Variants in AGTRAP observed in about 807,000 individuals in gnomAD.
The protein encoded by AGTRAP is type-1 angiotensin II receptor-associated protein.
In AGTRAP, 7 loss-of-function variants were observed where a neutral mutation model predicts 15.2. The observed-to-expected ratio is 0.46, with a 90% CI of 0.26 to 0.87. The LOEUF (loss-of-function observed/expected upper bound fraction) is 0.87, where lower values mean the gene tolerates loss of function less well. Among genes scored for constraint, AGTRAP ranks in the 40% least tolerant of loss-of-function variants. The pLI is 0.15. For missense variants in AGTRAP, 187 were observed against 213.4 expected (o/e 0.88, Z 0.77); for synonymous variants, 74 against 89.6 (o/e 0.83, Z 0.98).
Position 11,745,754 on chromosome 1 carries a change from G to A in AGTRAP, c.28-49G>A, listed in dbSNP as rs1375137692. ...CTGCACCCGACGCTTTCCTGCCCCTGTGGTGGTCATGTTCACAGACCTCTT... is the reference window on the plus strand; with the variant it reads ...CTGCACCCGACGCTTTCCTGCCCCTATGGTGGTCATGTTCACAGACCTCTT... On this transcript the variant is annotated intron_variant, in intron 1 of 4. Transcript: ENST00000314340. The surrounding 1 kb of genome is among the most constrained non-coding windows in gnomAD (Gnocchi z 4.2). 1.9e-6 allele frequency: 3 copies of A among 1,606,040 alleles called. No homozygotes were observed. The highest frequency in any genetic ancestry group is 2.6e-6 in the Non-Finnish European group (3 of 1,172,664).
At position 11,745,533 on chromosome 1, in the gene AGTRAP, G is replaced by A. The variant is rs184055895; in HGVS notation, c.28-270G>A. Among the ~76,000 whole-genome samples, 2 of 152,128 alleles carry A rather than the reference G, an allele frequency of 1.3e-5. No individual in the cohort carries two copies. Among genetic ancestry groups the A allele is most frequent in the African/African-American group, 2.4e-5 (1 of 41,424 alleles). On this transcript the variant is annotated intron_variant, in intron 1 of 4. Transcript: ENST00000314340. This position sits in a 1 kb window ranked among gnomAD's most constrained non-coding sequence, Gnocchi z 4.2. ...AAGATGGAATTGCTCTGGTTCATACGCCTCTGACGCTTGGAAGGGGTGTGG... is the reference window on the plus strand; with the variant it reads ...AAGATGGAATTGCTCTGGTTCATACACCTCTGACGCTTGGAAGGGGTGTGG...
rs1475803075 is a variant in AGTRAP, at chr1:11,745,926, C to A, written c.62+89C>A. ...AGGTCCTGGTTCTGCCGTGTTTTAA[C>A]CAGGTCACTTTGGGCCAGACAGCTC... On this transcript the variant is annotated intron_variant, in intron 2 of 4. Transcript: ENST00000314340. This position sits in a 1 kb window ranked among gnomAD's most constrained non-coding sequence, Gnocchi z 4.2. 9 of 1,557,652 alleles carry A rather than the reference C, an allele frequency of 5.8e-6. No individual in the cohort carries two copies. The highest frequency in any genetic ancestry group is 8.0e-6 in the Non-Finnish European group (9 of 1,129,320).
Position 11,744,547 on chromosome 1 carries a change from T to C in AGTRAP, c.28-1256T>C, listed in dbSNP as rs1642114399. The C allele has an allele frequency of 4.2e-6, 3 of 716,670 alleles. No homozygotes were observed. The African/African-American group carries it at 5.2e-5, about 13-fold the overall frequency. The allele number at this position is 716,670 out of a possible 1,614,324, so 44.4% of individuals were successfully genotyped here. A position where few individuals can be genotyped will look rare whatever the true frequency, so the allele number is the denominator to read the frequency against. ...GCCCCCCACAGTGCGCCAGCTCCAG[T>C]GTCCCAAGAAATCACCCTCACGTGA... On this transcript the variant is annotated intron_variant, in intron 1 of 4. Coordinates refer to ENST00000314340, the MANE Select transcript of AGTRAP (RefSeq NM_020350.5).
intron 1 of AGTRAP, among the ~76,000 whole-genome samples, chr1:11,736,887 C>T (rs1401427560): frequency 2.6e-5 from 4 of 152,194 alleles, no homozygotes; most frequent in Non-Finnish European, 4.4e-5. Context: ...GTCTGGGTGC[C>T]AGCGGCTGTT....
chr1:11,746,361 G>A (rs1642164204), intron 2 of AGTRAP: 3 of 725,764 alleles, frequency 4.1e-6, no homozygotes, highest in Admixed American at 5.8e-5. Context: ...TTTCTTAAAA[G>A]CAAAAGATAA....
chr1:11,747,049 G>C lies in AGTRAP; in HGVS notation c.63-391G>C, dbSNP rs138499116. Among the ~76,000 whole-genome samples the C allele has an allele frequency of 5.7e-3, 874 of 152,302 alleles. 22 individuals are homozygous for C. The highest frequency in any genetic ancestry group is 0.047 in the East Asian group (242 of 5,172). ...AGGTCAGTAGGGCGAGGCTGTGTCC[G>C]GGATCCCACAGGCCCCTTAGGCCCT... On this transcript the variant is annotated intron_variant, in intron 2 of 4. Coordinates refer to ENST00000314340, the MANE Select transcript of AGTRAP (RefSeq NM_020350.5).
rs1386606842 is a variant in AGTRAP, at chr1:11,750,197, A to T, written c.*5A>T. On this transcript the variant is annotated 3_prime_UTR_variant, in exon 5 of 5. Coordinates refer to ENST00000314340, the MANE Select transcript of AGTRAP (RefSeq NM_020350.5). ...CAAGATGCCCGAGGGTACTGAAGCCAGCCACGCTGCGCCCGGCCCTGCCCC... is the reference window on the plus strand; with the variant it reads ...CAAGATGCCCGAGGGTACTGAAGCCTGCCACGCTGCGCCCGGCCCTGCCCC... The T allele has an allele frequency of 6.2e-7, 1 of 1,610,790 alleles. No individual in the cohort carries two copies. Among genetic ancestry groups the T allele is most frequent in the Non-Finnish European group, 8.5e-7 (1 of 1,178,170 alleles).
In AGTRAP at chr1:11,744,536, G is replaced by A. The variant is rs139420209; in HGVS notation, c.28-1267G>A. The A allele has an allele frequency of 1.3e-5, 9 of 715,808 alleles. No homozygotes were observed. The African/African-American group carries it at 1.4e-4, about 11-fold the overall frequency. 44.3% of individuals were successfully genotyped at this position (715,808 alleles called of 1,614,324 possible). A position where few individuals can be genotyped will look rare whatever the true frequency, so the allele number is the denominator to read the frequency against. ...CTTTCCCCTCTGCCCCCCACAGTGC[G>A]CCAGCTCCAGTGTCCCAAGAAATCA... On this transcript the variant is annotated intron_variant, in intron 1 of 4. Coordinates refer to ENST00000314340, the MANE Select transcript of AGTRAP (RefSeq NM_020350.5).
intron 1 of AGTRAP, among the ~76,000 whole-genome samples, chr1:11,742,706 T>C (rs1472782269): frequency 6.6e-6 from 1 of 151,806 alleles, no homozygotes; most frequent in Non-Finnish European, 1.5e-5. Flanking sequence ...AATTTTTTGA[T>C]TTTTTGTAGA....
In AGTRAP at chr1:11,747,447, A is replaced by G. The variant is rs761607183; in HGVS notation, c.70A>G (p.Ile24Val). Residue 24 changes from isoleucine to valine, a missense_variant, in exon 3 of 5, where the codon ATT (isoleucine) becomes GTT (valine). By Grantham distance (29) the Ile-to-Val change is conservative. Coordinates refer to ENST00000314340, the MANE Select transcript of AGTRAP (RefSeq NM_020350.5). ...AGCTACCTCTTCCTACAGGGGCTGC[A>G]TTGTATTCTCAGGCTCCTATGCCTG... ...GHWLLTTWGC[I>V]VFSGSYAWAN... The G allele has an allele frequency of 9.9e-6, 16 of 1,613,968 alleles. No homozygotes were observed. The Admixed American group carries it at 2.2e-4, about 22-fold the overall frequency.
At chr1:11,736,516 C>A (rs1019251859) in intron 1 of AGTRAP, among the ~76,000 whole-genome samples, 36 of 152,314 alleles carry the variant, frequency 2.4e-4, no homozygotes, top group African/African-American at 8.4e-4. Context: ...CGGGCAGCGC[C>A]GGTCCCAGCA....
chr1:11,749,189 C>G (rs1642251877), intron 4 of AGTRAP, among the ~76,000 whole-genome samples: 1 of 152,276 alleles, frequency 6.6e-6, no homozygotes, highest in African/African-American at 2.4e-5. Context: ...CCTCTCTGAA[C>G]TCCTGTACTC....
Position 11,745,743 on chromosome 1 carries a change from T to C in AGTRAP, c.28-60T>C. On this transcript the variant is annotated intron_variant, in intron 1 of 4. Coordinates refer to ENST00000314340, the MANE Select transcript of AGTRAP (RefSeq NM_020350.5). The surrounding 1 kb of genome is among the most constrained non-coding windows in gnomAD (Gnocchi z 4.2). ...TCCTGTGTTTTCTGCACCCGACGCT[T>C]TCCTGCCCCTGTGGTGGTCATGTTC... 2 of 1,589,962 alleles carry C rather than the reference T, an allele frequency of 1.3e-6. No individual in the cohort carries two copies. The highest frequency in any genetic ancestry group is 1.3e-5 in the African/African-American group (1 of 74,506).
intron 4 of AGTRAP, among the ~76,000 whole-genome samples, chr1:11,749,143 C>A (rs922518651): frequency 2.0e-5 from 3 of 152,244 alleles, no homozygotes; most frequent in Non-Finnish European, 4.4e-5. Flanking sequence ...CGGCCCCTCC[C>A]CACTCACCCA....
chr1:11,748,907 C>T (rs1642243667), intron 4 of AGTRAP, among the ~76,000 whole-genome samples: 1 of 152,180 alleles, frequency 6.6e-6, no homozygotes, highest in African/African-American at 2.4e-5. Context: ...CCATTTAGTT[C>T]CCAGGGGCAG....
In AGTRAP at chr1:11,748,390, C is replaced by T. The variant is rs376939168; in HGVS notation, c.169-25C>T. ...CACGGAGCGTGGTGGGGGTGTTGTG[C>T]TCATCAGTGTGGTGTGTCTTGCAGT... On this transcript the variant is annotated intron_variant, in intron 3 of 4. Transcript: ENST00000314340. 4.7e-4 allele frequency: 750 copies of T among 1,604,614 alleles called. 3 individuals carry two copies. The highest frequency in any genetic ancestry group is 4.2e-4 in the Admixed American group (25 of 59,868).
intron 1 of AGTRAP, among the ~76,000 whole-genome samples, chr1:11,744,860 A>C (rs1167650821): frequency 6.6e-6 from 1 of 152,132 alleles, no homozygotes; most frequent in Non-Finnish European, 1.5e-5. Context: ...TAATTAATTA[A>C]TTTACTTATT....
Position 11,748,445 on chromosome 1 carries a change from C to CTGGACATCGTGCACATCAGCATCTTCT in AGTRAP, c.200_226dup (p.Leu67_Phe75dup), listed in dbSNP as rs772000921. On this transcript the variant is annotated inframe_insertion, in exon 4 of 5. Transcript: ENST00000314340. ...GGGTGGCTTGCTGGCCACCATCTTCCTGGACATCGTGCACATCAGCATCTT... is the reference window on the plus strand; with the variant it reads ...GGGTGGCTTGCTGGCCACCATCTTCCTGGACATCGTGCACATCAGCATCTTCTTGGACATCGTGCACATCAGCATCTT... 4 of 1,613,898 alleles carry CTGGACATCGTGCACATCAGCATCTTCT rather than the reference C, an allele frequency of 2.5e-6. No homozygotes were observed. In the South Asian group the frequency reaches 4.4e-5, roughly 18 times the overall value.
intron 1 of AGTRAP, among the ~76,000 whole-genome samples, chr1:11,741,794 G>A (rs1050556801): frequency 2.0e-5 from 3 of 152,214 alleles, no homozygotes; most frequent in African/African-American, 7.2e-5. Context: ...TAGCACATAG[G>A]AAGCGCTCAA....
Sources: allele counts gnomAD v4.1 joint callset (sites outside exome capture counted in the v4.1 genomes callset), GRCh38; gene constraint gnomAD v4.1.1; non-coding constraint Gnocchi (gnomAD v3.1); transcripts MANE v1.5; gene names NCBI Gene and HGNC (gene_info 2026-07-23, HGNC 2026-07-21).